Variants in SGCD observed in about 807,000 individuals in gnomAD.
SGCD encodes the protein delta-sarcoglycan.
A neutral mutation model predicts 36.6 loss-of-function variants in SGCD; 18 were observed. The ratio of observed to expected loss-of-function variants is 0.49; its 90% CI spans 0.34 to 0.73. SGCD has a LOEUF of 0.73. Among genes scored for constraint, SGCD ranks in the 30% least tolerant of loss-of-function variants. The pLI, the probability that SGCD is intolerant of heterozygous loss-of-function variation, is 0.01. For missense variants in SGCD, 387 were observed against 346.7 expected (o/e 1.12, Z -0.92); for synonymous variants, 133 against 130.6 (o/e 1.02, Z -0.12).
the SGCD span, among the ~76,000 whole-genome samples, chr5:155,815,979 T>G: frequency 2.6e-5 from 4 of 152,102 alleles, no homozygotes; most frequent in African/African-American, 9.7e-5. Context: ...AGTTAGAAAA[T>G]TTAGGGTTCA....
At chr5:156,255,567 A>G (rs6556512) in intron 3 of SGCD, among the ~76,000 whole-genome samples, 119,948 of 152,096 alleles carry the variant, frequency 0.79, 47,729 homozygotes, top group East Asian at 0.92. Context: ...TGGGGGAAGG[A>G]GTTTCCTTGA....
intron 3 of SGCD, among the ~76,000 whole-genome samples, chr5:156,456,999 T>A (rs1448018459): frequency 2.6e-5 from 4 of 152,212 alleles, no homozygotes; most frequent in Non-Finnish European, 5.9e-5. Context: ...GATTGGAGCA[T>A]TTGCCTAAGG....
At chr5:156,246,270 A>G (rs1313961469) in intron 3 of SGCD, among the ~76,000 whole-genome samples, 2 of 152,142 alleles carry the variant, frequency 1.3e-5, no homozygotes, top group African/African-American at 2.4e-5. Context: ...TTCCATGGAG[A>G]GTTCTCCAGT....
At chr5:156,558,387 C>T (rs138844914) in intron 4 of SGCD, among the ~76,000 whole-genome samples, 2 of 152,062 alleles carry the variant, frequency 1.3e-5, no homozygotes, top group East Asian at 3.9e-4. Context: ...CATTTTATGG[C>T]CATTACTGGT....
At chr5:156,330,016 C>CA (rs758475764) in intron 2 of SGCD, among the ~76,000 whole-genome samples, 4,237 of 56,300 alleles carry the variant, frequency 0.075, 421 homozygotes, top group African/African-American at 0.17. Context: ...GATTCAGTCT[C>CA]AAAAAAAAAA....
chr5:156,262,783 A>G lies in SGCD; in HGVS notation c.-43-66751A>G, dbSNP rs1185668556. Among the ~76,000 whole-genome samples the G allele has an allele frequency of 1.3e-5, 2 of 152,064 alleles. 1 individual carries two copies. The highest frequency in any genetic ancestry group is 3.9e-4 in the East Asian group (2 of 5,184). ...CTTCCACTTACGAGTGAGAACATAC[A>G]GTGTTTGGTTTGCCAATCCTGAGTT... is the stretch of plus-strand genomic sequence containing the variant. On this transcript the variant is annotated intron_variant, in intron 3 of 9. Coordinates refer to the SGCD transcript ENST00000517913.
chr5:156,440,691 G>A (rs1054756967), intron 3 of SGCD, among the ~76,000 whole-genome samples: 1 of 152,010 alleles, frequency 6.6e-6, no homozygotes, highest in Non-Finnish European at 1.5e-5. Flanking sequence ...GTTTTGATTT[G>A]CATTTCCCTA....
At chr5:156,392,004 A>G (rs1191818075) in intron 3 of SGCD, among the ~76,000 whole-genome samples, 1 of 152,210 alleles carries the variant, frequency 6.6e-6, no homozygotes, top group Non-Finnish European at 1.5e-5. Flanking sequence ...CCCTGTTAGC[A>G]ACTTTAGTTC....
chr5:155,798,745 CAAAAG>C, the SGCD span, among the ~76,000 whole-genome samples: 10 of 152,176 alleles, frequency 6.6e-5, no homozygotes, highest in African/African-American at 2.4e-4. Flanking sequence ...ACATTTAAAA[CAAAAG>C]AAAAAAATTT....
chr5:155,886,385 G>A (rs896315212), intron 1 of SGCD, among the ~76,000 whole-genome samples: 2 of 152,186 alleles, frequency 1.3e-5, no homozygotes, highest in Non-Finnish European at 2.9e-5. Context: ...ATGTCCAGAT[G>A]AGAGAATCTG....
intron 3 of SGCD, among the ~76,000 whole-genome samples, chr5:156,396,087 C>G (rs567012202): frequency 2.0e-5 from 3 of 152,254 alleles, no homozygotes; most frequent in African/African-American, 7.2e-5. Context: ...GTAACTGAAC[C>G]CTTTTTATGA....
At chr5:156,598,560 C>CA (rs1231821183) in intron 6 of SGCD, among the ~76,000 whole-genome samples, 3 of 151,968 alleles carry the variant, frequency 2.0e-5, no homozygotes, top group Non-Finnish European at 4.4e-5. Context: ...AAAACAAAAA[C>CA]AAAAAACTTT....
chr5:155,967,475 AGAGAT>A (rs1303461842), intron 1 of SGCD, among the ~76,000 whole-genome samples: 2 of 152,062 alleles, frequency 1.3e-5, no homozygotes, highest in African/African-American at 4.8e-5. Context: ...TAGGATGCTA[AGAGAT>A]GAGGGTACAA....
chr5:156,054,068 G>A (rs1759993048), intron 1 of SGCD, among the ~76,000 whole-genome samples: 1 of 145,664 alleles, frequency 6.9e-6, no homozygotes, highest in East Asian at 1.9e-4. Flanking sequence ...CCAACATTCA[G>A]ACCACAGCAC....
At chr5:156,074,443 G>A (rs530057810) in intron 1 of SGCD, among the ~76,000 whole-genome samples, 1 of 152,134 alleles carries the variant, frequency 6.6e-6, no homozygotes, top group African/African-American at 2.4e-5. Context: ...TATTTACTTG[G>A]GAGGCTGAAG....
At chr5:156,143,287 G>A (rs1762619272) in intron 3 of SGCD, among the ~76,000 whole-genome samples, 1 of 152,220 alleles carries the variant, frequency 6.6e-6, no homozygotes, top group South Asian at 2.1e-4. Context: ...CAGAGGATGT[G>A]TGGAAAAGCC....
chr5:156,182,332 C>A (rs1763629386), intron 3 of SGCD, among the ~76,000 whole-genome samples: 1 of 152,176 alleles, frequency 6.6e-6, no homozygotes. Context: ...TGACTCATGT[C>A]TGTAATCCCA....
At chr5:156,017,886 G>A (rs1759018422) in intron 1 of SGCD, among the ~76,000 whole-genome samples, 1 of 152,142 alleles carries the variant, frequency 6.6e-6, no homozygotes. Context: ...AAAGTCAGAT[G>A]CAGTGGCTCA....
At chr5:155,829,004 A>T in the SGCD span, among the ~76,000 whole-genome samples, 1 of 151,966 alleles carries the variant, frequency 6.6e-6, no homozygotes, top group East Asian at 1.9e-4. Context: ...TTATTATATT[A>T]TTCTATTTTG....
Sources: gnomAD v4.1 joint callset for allele counts (sites outside exome capture counted in the v4.1 genomes callset) on GRCh38, gnomAD v4.1.1 for gene constraint, MANE v1.5 for transcripts, NCBI Gene and HGNC (gene_info 2026-07-23, HGNC 2026-07-21) for gene names.